MYO16: variants seen among roughly 807,000 people sequenced by gnomAD.
MYO16 encodes unconventional myosin-XVI.
MYO16 carries 94 observed loss-of-function variants against 205.3 expected under a neutral mutation model. The observed-to-expected ratio is 0.46, with a 90% CI of 0.39 to 0.54. MYO16 has a LOEUF of 0.54. MYO16 is among the 20% of genes least tolerant of loss of function. The probability of loss-of-function intolerance (pLI) is 0.00; values close to 1 mark genes in which losing one functional copy is unlikely to be tolerated. For missense variants in MYO16, 2,315 were observed against 2,387.5 expected (o/e 0.97, Z 0.63); for synonymous variants, 988 against 954.0 (o/e 1.04, Z -0.66).
intron 1 of MYO16, among the ~76,000 whole-genome samples, chr13:108,607,487 C>T (rs572879178): frequency 6.6e-6 from 1 of 152,120 alleles, no homozygotes; most frequent in Non-Finnish European, 1.5e-5. Flanking sequence ...TCTTTTAGCA[C>T]TTCTCCTGTG....
chr13:108,704,376 C>T lies in MYO16; in HGVS notation c.293-8285C>T, dbSNP rs528074869. 5.3e-5 allele frequency among the ~76,000 whole-genome samples: 8 copies of T among 152,228 alleles called. No individual in the cohort carries two copies. The East Asian group carries it at 5.8e-4, about 11-fold the overall frequency. On this transcript the variant is annotated intron_variant, in intron 2 of 34. Coordinates refer to ENST00000457511, the MANE Select transcript of MYO16 (RefSeq NM_001198950.3). The stretch of plus-strand genomic sequence containing the variant: ...AACACTCATCTTTCTTTAAGAATTT[C>T]GTTTTTGCTGGGAATGATGGTTTCC...
chr13:109,078,768 G>A (rs1258496256), intron 27 of MYO16, among the ~76,000 whole-genome samples: 1 of 152,120 alleles, frequency 6.6e-6, no homozygotes, highest in African/African-American at 2.4e-5. Flanking sequence ...TTAACCAAGG[G>A]CCAATTATAT....
intron 28 of MYO16, among the ~76,000 whole-genome samples, chr13:109,113,668 T>C (rs1428039264): frequency 6.6e-6 from 1 of 152,134 alleles, no homozygotes; most frequent in Non-Finnish European, 1.5e-5. Flanking sequence ...TAAACATACT[T>C]AGGTGATGCT....
intron 4 of MYO16, among the ~76,000 whole-genome samples, chr13:108,746,052 G>A (rs557231653): frequency 1.3e-5 from 2 of 151,894 alleles, no homozygotes; most frequent in South Asian, 2.1e-4. Flanking sequence ...AATTAGCCAG[G>A]AGTGGTGGCA....
At chr13:108,712,193 A>G (rs1883749027) in intron 2 of MYO16, among the ~76,000 whole-genome samples, 1 of 152,220 alleles carries the variant, frequency 6.6e-6, no homozygotes, top group African/African-American at 2.4e-5. Flanking sequence ...AGAATGGTGG[A>G]AACATTGCCA....
intron 32 of MYO16, among the ~76,000 whole-genome samples, chr13:109,144,073 G>A (rs1877221413): frequency 6.7e-6 from 1 of 149,026 alleles, no homozygotes; most frequent in Admixed American, 6.7e-5. Flanking sequence ...GGAGGGCAAT[G>A]GCACAATCTT....
intron 1 of MYO16, among the ~76,000 whole-genome samples, chr13:108,614,230 G>A (rs74922552): frequency 0.059 from 8,956 of 152,018 alleles, 337 homozygotes; most frequent in Admixed American, 0.11. Context: ...AATACAAATA[G>A]CATCAAAAAG....
chr13:108,676,396 TG>T (rs1882210126), intron 2 of MYO16, among the ~76,000 whole-genome samples: 3 of 148,364 alleles, frequency 2.0e-5, no homozygotes, highest in Admixed American at 7.0e-5. Flanking sequence ...TGTGTGTGTG[TG>T]TGTGTGTGTG....
the MYO16 span, among the ~76,000 whole-genome samples, chr13:108,540,157 G>T: frequency 1.3e-5 from 2 of 152,098 alleles, no homozygotes; most frequent in East Asian, 3.9e-4. Flanking sequence ...TTGAATGAGA[G>T]CCTGAACAAA....
intron 21 of MYO16, among the ~76,000 whole-genome samples, chr13:109,005,637 AC>A (rs1885362901): frequency 6.6e-6 from 1 of 151,846 alleles, no homozygotes; most frequent in African/African-American, 2.4e-5. Flanking sequence ...TCAGTCAAGG[AC>A]CCCCTTGCCT....
chr13:108,519,232 C>T, the MYO16 span, among the ~76,000 whole-genome samples: 1 of 152,130 alleles, frequency 6.6e-6, no homozygotes, highest in South Asian at 2.1e-4. Flanking sequence ...TCGCAGATGG[C>T]TCCAGGTCAG....
chr13:108,933,472 C>T lies in MYO16; in HGVS notation c.1925+23322C>T, dbSNP rs1413665322. Among the ~76,000 whole-genome samples, 5 of 151,238 alleles carry T rather than the reference C, an allele frequency of 3.3e-5. No homozygotes were observed. In the East Asian group the frequency reaches 9.7e-4, roughly 29 times the overall value. ...GGTTATTTTAAGATATATTAGATAT[C>T]GATAATGTAAGATCGATTATTTGGA... On this transcript the variant is annotated intron_variant, in intron 16 of 34. Coordinates refer to ENST00000457511, the MANE Select transcript of MYO16 (RefSeq NM_001198950.3).
intron 3 of MYO16, among the ~76,000 whole-genome samples, chr13:108,720,477 C>T (rs16972975): frequency 0.029 from 4,369 of 152,266 alleles, 210 homozygotes; most frequent in African/African-American, 0.099. Flanking sequence ...CTACTGAGAA[C>T]TCATAAACAT....
intron 14 of MYO16, among the ~76,000 whole-genome samples, chr13:108,895,209 CAA>C (rs11306898): frequency 6.6e-6 from 1 of 150,994 alleles, no homozygotes; most frequent in Non-Finnish European, 1.5e-5. Flanking sequence ...ATTATAAATA[CAA>C]AAAAAAAGTC....
intron 12 of MYO16, among the ~76,000 whole-genome samples, chr13:108,869,630 C>T (rs1225479744): frequency 7.5e-5 from 11 of 145,950 alleles, no homozygotes; most frequent in South Asian, 2.2e-4. Context: ...ACTCGGGAGG[C>T]TGAGGCAGCA....
intron 27 of MYO16, among the ~76,000 whole-genome samples, chr13:109,078,628 A>G (rs2139664829): frequency 6.6e-6 from 1 of 152,232 alleles, no homozygotes; most frequent in Admixed American, 6.5e-5. Context: ...TAATTTGTCC[A>G]GTGATGTACA....
intron 31 of MYO16, among the ~76,000 whole-genome samples, chr13:109,136,220 A>G (rs1031302888): frequency 2.0e-5 from 3 of 151,930 alleles, no homozygotes; most frequent in Non-Finnish European, 4.4e-5. Context: ...CAGCCTCCCA[A>G]GTAGCTGAGA....
chr13:108,969,128 CGA>C (rs1400236822), intron 20 of MYO16, among the ~76,000 whole-genome samples: 1 of 152,044 alleles, frequency 6.6e-6, no homozygotes, highest in African/African-American at 2.4e-5. Context: ...CTAGTGTTTT[CGA>C]GAGTATAGCC....
At chr13:108,871,816 C>T (rs951564604) in intron 12 of MYO16, among the ~76,000 whole-genome samples, 4 of 152,118 alleles carry the variant, frequency 2.6e-5, no homozygotes, top group African/African-American at 7.2e-5. Flanking sequence ...CCGTGTGGCC[C>T]GGTGCATCCT....
Sources: gnomAD v4.1 joint callset for allele counts (sites outside exome capture counted in the v4.1 genomes callset) on GRCh38, gnomAD v4.1.1 for gene constraint, MANE v1.5 for transcripts, NCBI Gene and HGNC (gene_info 2026-07-23, HGNC 2026-07-21) for gene names.